PCDHGB3: variants seen among roughly 807,000 people sequenced by gnomAD.
PCDHGB3 encodes the protein protocadherin gamma-B3.
A neutral mutation model predicts 59.2 loss-of-function variants in PCDHGB3; 40 were observed. The ratio of observed to expected loss-of-function variants is 0.68; its 90% CI spans 0.52 to 0.88. PCDHGB3 has a LOEUF of 0.88. Ranked by LOEUF, PCDHGB3 falls within the 40% of genes least tolerant of loss-of-function variation. PCDHGB3 has a pLI of 0.00. For missense variants in PCDHGB3, 1,309 were observed against 1,187.9 expected (o/e 1.10, Z -1.50); for synonymous variants, 581 against 503.6 (o/e 1.15, Z -2.06).
At chr5:141,426,896 C>A in intron 1 of PCDHGB3, 1 of 456,782 alleles carries the variant, frequency 2.2e-6, no homozygotes, top group Non-Finnish European at 4.4e-6. Context: ...AGCAACAGAG[C>A]TCTCATCTCC....
At chr5:141,467,906 A>T (rs917983299) in intron 1 of PCDHGB3, among the ~76,000 whole-genome samples, 5 of 152,002 alleles carry the variant, frequency 3.3e-5, no homozygotes, top group African/African-American at 9.7e-5. Flanking sequence ...AAATCCGCCC[A>T]CCTCAGCCTC....
intron 1 of PCDHGB3, chr5:141,427,871 GA>G: frequency 6.4e-7 from 1 of 1,559,532 alleles, no homozygotes; most frequent in Non-Finnish European, 8.8e-7. Context: ...TCGAGCTCAC[GA>G]TGCAGGCCCA....
chr5:141,403,088 G>C (rs1561685667), intron 1 of PCDHGB3: 2 of 1,614,030 alleles, frequency 1.2e-6, no homozygotes, highest in Non-Finnish European at 1.7e-6. Context: ...CTATATTGTG[G>C]GCAACATCTC....
intron 1 of PCDHGB3, chr5:141,388,729 G>A (rs1407038729): frequency 6.2e-7 from 1 of 1,614,012 alleles, no homozygotes; most frequent in Non-Finnish European, 8.5e-7. Flanking sequence ...TTCTCTTTCA[G>A]TGAAGCTAGC....
At chr5:141,488,439 C>G (rs2099675441) in intron 1 of PCDHGB3, among the ~76,000 whole-genome samples, 1 of 152,206 alleles carries the variant, frequency 6.6e-6, no homozygotes, top group African/African-American at 2.4e-5. Context: ...TCTGACCACC[C>G]TCCTGGGTGA....
At chr5:141,492,637 C>T (rs2099742781) in intron 1 of PCDHGB3, among the ~76,000 whole-genome samples, 1 of 152,260 alleles carries the variant, frequency 6.6e-6, no homozygotes, top group South Asian at 2.1e-4. Context: ...CTCTACGATC[C>T]TTGGGCCAGA....
chr5:141,404,358 C>T (rs746085915), intron 1 of PCDHGB3: 19 of 1,613,846 alleles, frequency 1.2e-5, no homozygotes, highest in Non-Finnish European at 1.6e-5. Context: ...GCCAGAGGTA[C>T]TTCCATCTTC....
chr5:141,428,624 C>CT, intron 1 of PCDHGB3: 1 of 193,988 alleles, frequency 5.2e-6, no homozygotes, highest in South Asian at 1.1e-4. Context: ...AAGATAAGCT[C>CT]TAACTCTGTT....
At position 141,477,226 on chromosome 5, in the gene PCDHGB3, C is replaced by G. The variant is rs779570150; in HGVS notation, c.2416-17581C>G. 59 of 1,614,076 alleles carry G rather than the reference C, an allele frequency of 3.7e-5. No homozygotes were observed. The highest frequency in any genetic ancestry group is 1.3e-4 in the Admixed American group (8 of 60,004). On this transcript the variant is annotated intron_variant, in intron 1 of 3. Coordinates refer to ENST00000576222, the MANE Select transcript of PCDHGB3 (RefSeq NM_018924.5). This position sits in a 1 kb window ranked among gnomAD's most constrained non-coding sequence, Gnocchi z 4.9. ...CCGAGGATGCCCCTCTGGGGACTGT[C>G]ATCGCTTTGCTCAGTGTGACTGACC...
At chr5:141,458,100 A>AT (rs2098937418) in intron 1 of PCDHGB3, among the ~76,000 whole-genome samples, 1 of 152,252 alleles carries the variant, frequency 6.6e-6, no homozygotes, top group Non-Finnish European at 1.5e-5. Context: ...GAGTACTTAC[A>AT]GATAGTCTCC....
chr5:141,398,048 G>T, intron 1 of PCDHGB3: 2 of 1,506,604 alleles, frequency 1.3e-6, no homozygotes, highest in South Asian at 1.3e-5. Flanking sequence ...CCCGTTCGGA[G>T]ATCCAAAAAT....
chr5:141,389,676 C>T, intron 1 of PCDHGB3: 1 of 1,612,444 alleles, frequency 6.2e-7, no homozygotes, highest in Non-Finnish European at 8.5e-7. Context: ...AGACTCAGGA[C>T]ACAACGCCTG....
intron 1 of PCDHGB3, chr5:141,394,190 G>T (rs1370592594): frequency 1.2e-6 from 2 of 1,613,684 alleles, no homozygotes; most frequent in Non-Finnish European, 1.7e-6. Flanking sequence ...CCTACTCAGC[G>T]TATATCCTAG....
chr5:141,427,998 C>A, intron 1 of PCDHGB3: 1 of 1,600,956 alleles, frequency 6.2e-7, no homozygotes, highest in Non-Finnish European at 8.6e-7. Context: ...TGGCTCCGCA[C>A]TCTTCGATAT....
intron 1 of PCDHGB3, chr5:141,417,979 G>C (rs2096202372): frequency 6.2e-7 from 1 of 1,613,752 alleles, no homozygotes; most frequent in Admixed American, 1.7e-5. Context: ...TTCCGGAGGA[G>C]CTGGCCAAGG....
chr5:141,490,862 C>G lies in PCDHGB3; in HGVS notation c.2416-3945C>G. 1 of 1,613,878 alleles carries G rather than the reference C, an allele frequency of 6.2e-7. No homozygotes were observed. Among genetic ancestry groups the G allele is most frequent in the East Asian group, 2.2e-5 (1 of 44,874 alleles). ...GTGGTGGGGGTTCGAGACTCCGGCTCTCCCCCATTGCATGCCAACACATCT... is the reference window on the plus strand; with the variant it reads ...GTGGTGGGGGTTCGAGACTCCGGCTGTCCCCCATTGCATGCCAACACATCT... On this transcript the variant is annotated intron_variant, in intron 1 of 3. Coordinates refer to ENST00000576222, the MANE Select transcript of PCDHGB3 (RefSeq NM_018924.5). The surrounding 1 kb of genome is among the most constrained non-coding windows in gnomAD (Gnocchi z 5.4).
intron 1 of PCDHGB3, chr5:141,468,381 G>A (rs1297428363): frequency 2.0e-5 from 3 of 149,754 alleles, no homozygotes; most frequent in South Asian, 2.1e-4. Flanking sequence ...AGCCATACAA[G>A]GCTACCCATT....
chr5:141,429,896 A>G (rs1307950556), intron 1 of PCDHGB3, among the ~76,000 whole-genome samples: 1 of 152,346 alleles, frequency 6.6e-6, no homozygotes, highest in South Asian at 2.1e-4. Flanking sequence ...TGAACAATAA[A>G]TATTTTTGAA....
intron 1 of PCDHGB3, chr5:141,374,176 C>A: frequency 6.2e-7 from 1 of 1,613,572 alleles, no homozygotes. Context: ...CAGCGCAGAT[C>A]CGCTACTCTA....
Sources: gnomAD v4.1 joint callset for allele counts (sites outside exome capture counted in the v4.1 genomes callset) on GRCh38, gnomAD v4.1.1 for gene constraint, Gnocchi (gnomAD v3.1) non-coding constraint, MANE v1.5 for transcripts, NCBI Gene and HGNC (gene_info 2026-07-23, HGNC 2026-07-21) for gene names.